Variants in FRMD4A observed in about 807,000 individuals in gnomAD.
The protein encoded by FRMD4A is FERM domain containing 4A, also known as FERM domain-containing protein 4A.
In FRMD4A, 29 loss-of-function variants were observed where a neutral mutation model predicts 129.1. The observed-to-expected ratio is 0.22, with a 90% confidence interval of 0.17 to 0.31. FRMD4A has a LOEUF of 0.31. FRMD4A is among the 10% of genes least tolerant of loss of function. The pLI, the probability that FRMD4A is intolerant of heterozygous loss-of-function variation, is 1.00. For synonymous variants in FRMD4A, 634 were observed against 571.6 expected (o/e 1.11, Z -1.56); for missense variants, 1,272 against 1,375.8 (o/e 0.92, Z 1.19).
At chr10:14,208,842 A>C (rs1198146759) in intron 2 of FRMD4A, among the ~76,000 whole-genome samples, 1 of 152,102 alleles carries the variant, frequency 6.6e-6, no homozygotes, top group Non-Finnish European at 1.5e-5. Context: ...CATATTGATG[A>C]AACAGTAAAG....
intron 2 of FRMD4A, among the ~76,000 whole-genome samples, chr10:14,185,825 G>A (rs1039695484): frequency 6.6e-6 from 1 of 152,084 alleles, no homozygotes; most frequent in African/African-American, 2.4e-5. Context: ...GACAGGGCAG[G>A]GCCCAGTGGA....
chr10:13,660,138 C>A (rs988675464), intron 20 of FRMD4A, among the ~76,000 whole-genome samples, 178 bp downstream of exon 20: 3 of 152,218 alleles, frequency 2.0e-5, no homozygotes, highest in Non-Finnish European at 4.4e-5. Context: ...CAAAAATGTA[C>A]CTCAACAGTG....
intron 2 of FRMD4A, among the ~76,000 whole-genome samples, chr10:14,250,839 T>C (rs543073821): frequency 6.6e-6 from 1 of 152,334 alleles, no homozygotes; most frequent in Admixed American, 6.5e-5. Context: ...AGGCACTTGC[T>C]GGTCTCTGGG....
chr10:14,185,762 A>C (rs1842115588), intron 2 of FRMD4A, among the ~76,000 whole-genome samples: 1 of 152,188 alleles, frequency 6.6e-6, no homozygotes, highest in African/African-American at 2.4e-5. Flanking sequence ...GGCTAGTACC[A>C]GCCAAAGCAA....
chr10:14,035,523 A>G (rs1003160986), intron 2 of FRMD4A, among the ~76,000 whole-genome samples: 1 of 152,186 alleles, frequency 6.6e-6, no homozygotes, highest in Non-Finnish European at 1.5e-5. Context: ...ACACACACTG[A>G]AAACAGGAGA....
intron 2 of FRMD4A, among the ~76,000 whole-genome samples, chr10:13,904,348 T>C (rs377134928): frequency 1.7e-4 from 26 of 152,302 alleles, no homozygotes; most frequent in African/African-American, 6.3e-4. Context: ...GACACCTGGT[T>C]GACTCCCACT....
intron 2 of FRMD4A, among the ~76,000 whole-genome samples, chr10:14,308,009 A>G (rs1311295714): frequency 1.3e-5 from 2 of 152,214 alleles, no homozygotes; most frequent in East Asian, 1.9e-4. Context: ...CAAATATGCT[A>G]AAGTACATAG....
intron 2 of FRMD4A, among the ~76,000 whole-genome samples, chr10:13,996,974 A>T (rs2131444381): frequency 6.7e-6 from 1 of 150,136 alleles, no homozygotes; most frequent in East Asian, 2.0e-4. Context: ...CAAGCCATTG[A>T]AAAAAATTGA....
At chr10:13,842,374 G>A (rs2093980708) in intron 3 of FRMD4A, among the ~76,000 whole-genome samples, 1 of 152,170 alleles carries the variant, frequency 6.6e-6, no homozygotes, top group South Asian at 2.1e-4. Context: ...TCGTGCATGA[G>A]CCCAGTCAAT....
chr10:14,142,151 G>GT (rs369195679), intron 2 of FRMD4A, among the ~76,000 whole-genome samples: 154 of 148,180 alleles, frequency 1.0e-3, no homozygotes, highest in South Asian at 7.5e-3. Flanking sequence ...AAACAAAAAA[G>GT]TTTTTTTTTT....
chr10:14,113,290 C>G (rs1436882001), intron 2 of FRMD4A, among the ~76,000 whole-genome samples: 1 of 152,126 alleles, frequency 6.6e-6, no homozygotes, highest in Non-Finnish European at 1.5e-5. Flanking sequence ...CAAAACCAAC[C>G]TCTCCTCTTC....
intron 2 of FRMD4A, among the ~76,000 whole-genome samples, chr10:13,873,119 TGAGCCTA>T (rs1200906784): frequency 6.6e-6 from 1 of 150,682 alleles, no homozygotes; most frequent in Non-Finnish European, 1.5e-5. Context: ...GAAGTTGCAG[TGAGCCTA>T]GATCACACCA....
intron 6 of FRMD4A, 22 bp downstream of exon 6, chr10:13,782,900 T>C (rs2092771935): frequency 9.3e-7 from 1 of 1,077,192 alleles, no homozygotes; most frequent in Non-Finnish European, 1.5e-6. Context: ...CAGAGGGAAA[T>C]TGAGGGAGAG....
chr10:13,840,399 T>A (rs1243585718), intron 3 of FRMD4A, among the ~76,000 whole-genome samples: 1 of 152,190 alleles, frequency 6.6e-6, no homozygotes, highest in African/African-American at 2.4e-5. Context: ...ACTTCTAGCC[T>A]CAAGAACTGT....
At chr10:14,140,223 G>A (rs187136454) in intron 2 of FRMD4A, among the ~76,000 whole-genome samples, 6 of 152,010 alleles carry the variant, frequency 3.9e-5, no homozygotes, top group Non-Finnish European at 8.8e-5. Context: ...CACCACACCT[G>A]GCTAATCTTC....
chr10:13,787,451 C>CA (rs1344479021), intron 5 of FRMD4A, among the ~76,000 whole-genome samples: 1 of 151,774 alleles, frequency 6.6e-6, no homozygotes, highest in Non-Finnish European at 1.5e-5. Context: ...GATTCAAAGT[C>CA]AAAATTTTTT....
intron 2 of FRMD4A, among the ~76,000 whole-genome samples, chr10:14,205,063 T>G (rs1292548732): frequency 5.3e-3 from 1 of 188 alleles, no homozygotes; most frequent in Non-Finnish European, 0.019. Flanking sequence ...TTTTCTTTCT[T>G]TTTTTTTTTT....
At chr10:13,903,197 C>T (rs2094841685) in intron 2 of FRMD4A, among the ~76,000 whole-genome samples, 2 of 152,094 alleles carry the variant, frequency 1.3e-5, no homozygotes. Context: ...TTCTAACCAC[C>T]TTTCTTAAAA....
chr10:13,792,656 G>A (rs960366974), intron 5 of FRMD4A, among the ~76,000 whole-genome samples: 1 of 152,198 alleles, frequency 6.6e-6, no homozygotes, highest in Admixed American at 6.5e-5. Flanking sequence ...CAATGGACAG[G>A]TGCTGAATAA....
Sources: allele counts gnomAD v4.1 joint callset (sites outside exome capture counted in the v4.1 genomes callset), GRCh38; gene constraint gnomAD v4.1.1; transcripts MANE v1.5; gene names NCBI Gene and HGNC (gene_info 2026-07-23, HGNC 2026-07-21).